Variants in CARHSP1 observed in about 807,000 individuals in gnomAD.
The protein encoded by CARHSP1 is calcium-regulated heat-stable protein 1.
In CARHSP1, 14 loss-of-function variants were observed where a neutral mutation model predicts 12.5. The observed-to-expected ratio is 1.12, with a 90% CI of 0.74 to 1.75. CARHSP1 has a LOEUF of 1.75. Among genes scored for constraint, CARHSP1 ranks in the 40% most tolerant of loss-of-function variants. The pLI is 0.00. For synonymous variants in CARHSP1, 161 were observed against 82.0 expected, an observed-to-expected ratio of 1.96 and a Z score of -5.20; for missense variants, 343 against 201.6, an observed-to-expected ratio of 1.70 and a Z score of -4.25.
Position 8,860,089 on chromosome 16 carries a change from A to G in CARHSP1, c.-7-754T>C, listed in dbSNP as rs2231703. 1,205 of 970,486 alleles carry G rather than the reference A, an allele frequency of 1.2e-3. 6 individuals carry two copies. The African/African-American group carries it at 0.02, about 16-fold the overall frequency. 60.1% of individuals were successfully genotyped at this position (970,486 alleles called of 1,614,324 possible). On this transcript the variant is annotated intron_variant, in intron 1 of 3. Coordinates refer to ENST00000311052, the MANE Select transcript of CARHSP1 (RefSeq NM_014316.4). ...TGGGAGCCAGACACCACAGGGAAGCAGGGGCAAAAACTGACCCTCACGCAG... is the reference window on the plus strand; with the variant it reads ...TGGGAGCCAGACACCACAGGGAAGCGGGGGCAAAAACTGACCCTCACGCAG...
chr16:8,860,750 A>C (rs2061328743), intron 1 of CARHSP1, among the ~76,000 whole-genome samples: 1 of 151,976 alleles, frequency 6.6e-6, no homozygotes, highest in South Asian at 2.1e-4. Flanking sequence ...GGGGTTTTCA[A>C]ATTTAGATTT....
chr16:8,860,345 T>A (rs762753668), intron 1 of CARHSP1: 14 of 985,258 alleles, frequency 1.4e-5, no homozygotes, highest in African/African-American at 1.7e-5. Flanking sequence ...TGACCCCTAG[T>A]ATGTACCGGT....
In CARHSP1 at chr16:8,855,207, C is replaced by T. The variant is rs778202120; in HGVS notation, c.401G>A (p.Gly134Asp). ...VEVVITHLAPGTKHETWSGHV... is the reference protein window; with the variant it reads ...VEVVITHLAPDTKHETWSGHV... The stretch of plus-strand genomic sequence containing the variant: ...TCCAGACCAGGTCTCATGCTTGGTG[C>T]CTGGTGCCAGGTGAGTGATGACGAC... The change falls in exon 4 of 4, where the codon GGC (glycine) becomes GAC (aspartate). Residue 134 changes from glycine (G) to aspartate (D), a missense_variant. By Grantham distance (94) the Gly-to-Asp change is moderately conservative (BLOSUM62 -1). Transcript: ENST00000311052. 41 of 1,612,332 alleles carry T rather than the reference C, an allele frequency of 2.5e-5. No individual in the cohort carries two copies. The highest frequency in any genetic ancestry group is 2.1e-4 in the South Asian group (19 of 90,878).
chr16:8,859,278 T>C lies in CARHSP1; in HGVS notation c.51A>G (p.Ser17=). The C allele has an allele frequency of 6.2e-7, 1 of 1,600,136 alleles. No individual in the cohort carries two copies. ...PPPQPPTHQA[S]VGLLDTPRSR... is the part of the protein sequence containing the mutation. Reference sequence around the variant, plus strand: ...TCCGAGGGGTGTCCAGCAGCCCGACTGAAGCTTGATGGGTGGGGGGCTGTG... The same window carrying C: ...TCCGAGGGGTGTCCAGCAGCCCGACCGAAGCTTGATGGGTGGGGGGCTGTG... The change falls in exon 2 of 4, where the codon TCA becomes TCG. Residue 17 remains serine, a synonymous_variant. Transcript: ENST00000311052.
intron 1 of CARHSP1, chr16:8,860,163 C>A: frequency 1.0e-6 from 1 of 985,444 alleles, no homozygotes; most frequent in Non-Finnish European, 1.2e-6. Context: ...GCTCAAGCGC[C>A]ACGTTTGGAT....
At chr16:8,864,103 G>C (rs940962647) in intron 1 of CARHSP1, among the ~76,000 whole-genome samples, 2 of 152,228 alleles carry the variant, frequency 1.3e-5, no homozygotes, top group African/African-American at 4.8e-5. Flanking sequence ...TGTCATGACT[G>C]CCAGGCTGCA....
At chr16:8,856,475 C>A (rs1473047034) in intron 3 of CARHSP1, among the ~76,000 whole-genome samples, 1 of 151,902 alleles carries the variant, frequency 6.6e-6, no homozygotes, top group Admixed American at 6.5e-5. Context: ...ATTTCTTTGC[C>A]CCAACCTCTA....
rs528613503 is a variant in CARHSP1 at position 8,854,391 on chromosome 16, G to A, written c.*773C>T. The A allele has an allele frequency of 1.1e-4, 16 of 152,180 alleles. No homozygotes were observed. The highest frequency in any genetic ancestry group is 3.6e-4 in the African/African-American group (15 of 41,520). 9.4% of individuals were successfully genotyped at this position (152,180 alleles called of 1,614,324 possible). A position where few individuals can be genotyped will look rare whatever the true frequency, so the allele number is the denominator to read the frequency against. ...CCAGCCCCCCGCCGCCATAATTACA[G>A]GGGCTGTGAAATGGCTGTTGAGTGA... On this transcript the variant is annotated 3_prime_UTR_variant, in exon 4 of 4. Transcript: ENST00000311052.
At chr16:8,866,304 A>G in intron 1 of CARHSP1, 1 of 380,420 alleles carries the variant, frequency 2.6e-6, no homozygotes, top group Non-Finnish European at 3.6e-6. Flanking sequence ...GACCCAGGGA[A>G]CACGGCAGTA....
chr16:8,860,963 T>C lies in CARHSP1; in HGVS notation c.-7-1628A>G, dbSNP rs115932325. 4.9e-3 allele frequency among the ~76,000 whole-genome samples: 747 copies of C among 151,168 alleles called. 9 individuals carry two copies. Among genetic ancestry groups the C allele is most frequent in the African/African-American group, 0.017 (706 of 41,228 alleles). On this transcript the variant is annotated intron_variant, in intron 1 of 3. Transcript: ENST00000311052. ...TACTCGGGAGGCCAAAGCTGGAGAA[T>C]TGCTTGAACCAGGGAGCTGTGGGTT... is the stretch of plus-strand genomic sequence containing the variant.
At chr16:8,862,834 G>A (rs1306584294) in intron 1 of CARHSP1, among the ~76,000 whole-genome samples, 1 of 152,120 alleles carries the variant, frequency 6.6e-6, no homozygotes, top group African/African-American at 2.4e-5. Flanking sequence ...CACTGTCATT[G>A]TCACCATCGT....
At position 8,853,362 on chromosome 16, in the gene CARHSP1, CAG is replaced by C. The variant is rs2060998430; in HGVS notation, c.*1800_*1801del. The C allele has an allele frequency of 6.6e-6, 1 of 152,170 alleles. No individual in the cohort carries two copies. The highest frequency in any genetic ancestry group is 1.5e-5 in the Non-Finnish European group (1 of 68,184). 9.4% of individuals were successfully genotyped at this position (152,170 alleles called of 1,614,324 possible). A position where few individuals can be genotyped will look rare whatever the true frequency, so the allele number is the denominator to read the frequency against. On this transcript the variant is annotated 3_prime_UTR_variant, in exon 4 of 4. Coordinates refer to ENST00000311052, the MANE Select transcript of CARHSP1 (RefSeq NM_014316.4). ...AGAGAAAAGGCCACCTTTGACCCAG[CAG>C]AAGGCAGAGGCGGGAGAGGAGGGTG...
chr16:8,857,254 G>A (rs1258685875), intron 3 of CARHSP1, among the ~76,000 whole-genome samples: 1 of 110,184 alleles, frequency 9.1e-6, no homozygotes, highest in East Asian at 3.5e-4. Context: ...TGTGATCTTG[G>A]GCAGATCTGT....
At chr16:8,866,454 G>A in intron 1 of CARHSP1, 1 of 969,350 alleles carries the variant, frequency 1.0e-6, no homozygotes, top group Non-Finnish European at 1.2e-6. Context: ...TTTGTAAACA[G>A]ACAGAGACAC....
chr16:8,856,674 T>C (rs2061122615), intron 3 of CARHSP1, among the ~76,000 whole-genome samples: 1 of 152,156 alleles, frequency 6.6e-6, no homozygotes, highest in South Asian at 2.1e-4. Flanking sequence ...GGCTCCTCTT[T>C]TCAGAAATGT....
At chr16:8,862,940 C>T (rs928961649) in intron 1 of CARHSP1, among the ~76,000 whole-genome samples, 10 of 152,126 alleles carry the variant, frequency 6.6e-5, no homozygotes, top group African/African-American at 2.4e-4. Flanking sequence ...CACCCAAGCC[C>T]CCTCAACACC....
chr16:8,853,101 T>A lies in CARHSP1; in HGVS notation c.*2063A>T, dbSNP rs2060989872. 6.6e-6 allele frequency: 1 copy of A among 151,986 alleles called. No homozygotes were observed. The highest frequency in any genetic ancestry group is 1.5e-5 in the Non-Finnish European group (1 of 68,006). 9.4% of individuals were successfully genotyped at this position (151,986 alleles called of 1,614,324 possible). On this transcript the variant is annotated 3_prime_UTR_variant, in exon 4 of 4. Coordinates refer to ENST00000311052, the MANE Select transcript of CARHSP1 (RefSeq NM_014316.4). Reference sequence around the variant, plus strand: ...TCCCCTTGTGTAAACCGGTATCGCGTCCCTTCCAGCTCTGACATCCTGCGG... The same window carrying A: ...TCCCCTTGTGTAAACCGGTATCGCGACCCTTCCAGCTCTGACATCCTGCGG...
intron 1 of CARHSP1, 121 bp from the exon 2 acceptor site, chr16:8,859,456 C>G (rs2061272527): frequency 5.8e-6 from 5 of 861,422 alleles, no homozygotes; most frequent in Non-Finnish European, 8.7e-6. Flanking sequence ...CACCTCAGCA[C>G]CATTGTCACC....
rs147092702 is a variant in CARHSP1 at position 8,859,729 on chromosome 16, G to T, written c.-7-394C>A. 1,106 of 161,136 alleles carry T rather than the reference G, an allele frequency of 6.9e-3. 26 individuals carry two copies. Among genetic ancestry groups the T allele is most frequent in the African/African-American group, 0.025 (1,051 of 41,834 alleles). The allele number at this position is 161,136 out of a possible 1,614,324, so 10.0% of individuals were successfully genotyped here. On this transcript the variant is annotated intron_variant, in intron 1 of 3. Transcript: ENST00000311052. ...GCAGTGGCTCACACCTGCAATCCCA[G>T]CACTCTGGGAGGCCGAGGCAGGCGG...
Sources: allele counts gnomAD v4.1 joint callset (sites outside exome capture counted in the v4.1 genomes callset), GRCh38; gene constraint gnomAD v4.1.1; transcripts MANE v1.5; gene names NCBI Gene and HGNC (gene_info 2026-07-23, HGNC 2026-07-21).